Variants in NBAS observed in about 807,000 individuals in gnomAD.
NBAS encodes the protein NBAS subunit of NRZ tethering complex, also known as NAG/BC035112 fusion.
Under a neutral mutation model 302.5 loss-of-function variants are expected in NBAS, and 219 were observed. That is an observed-to-expected ratio of 0.72 (90% CI 0.65 to 0.81). The LOEUF is 0.81. Ranked by LOEUF, NBAS falls within the 30% of genes least tolerant of loss-of-function variation. NBAS has a pLI of 0.00. For synonymous variants in NBAS, 1,118 were observed against 1,021.6 expected, an observed-to-expected ratio of 1.09 and a Z score of -1.80; for missense variants, 2,932 against 2,841.6, an observed-to-expected ratio of 1.03 and a Z score of -0.72.
the NBAS span, among the ~76,000 whole-genome samples, chr2:14,810,467 A>C: frequency 4.6e-5 from 7 of 152,142 alleles, no homozygotes; most frequent in Non-Finnish European, 7.4e-5. Context: ...GTAAGACATG[A>C]TTTGCTCTTC....
At chr2:14,958,314 CTT>C in the NBAS span, among the ~76,000 whole-genome samples, 1 of 152,216 alleles carries the variant, frequency 6.6e-6, no homozygotes, top group Non-Finnish European at 1.5e-5. Context: ...CTCATGGAGT[CTT>C]TGTTTTCTCA....
the NBAS span, among the ~76,000 whole-genome samples, chr2:14,979,709 G>C: frequency 6.6e-6 from 1 of 151,856 alleles, no homozygotes; most frequent in African/African-American, 2.4e-5. Flanking sequence ...CATTGTTATG[G>C]AAACATCTGG....
intron 21 of NBAS, among the ~76,000 whole-genome samples, chr2:15,433,448 A>G (rs1677858588): frequency 6.6e-6 from 1 of 152,228 alleles, no homozygotes; most frequent in Admixed American, 6.5e-5. Flanking sequence ...TACAAGATAT[A>G]TATGACTCTG....
chr2:14,833,523 T>A, the NBAS span, among the ~76,000 whole-genome samples: 10 of 152,090 alleles, frequency 6.6e-5, no homozygotes, highest in Non-Finnish European at 8.8e-5. Context: ...GGTACATACG[T>A]GATCAATAAG....
At chr2:15,010,798 C>A in the NBAS span, among the ~76,000 whole-genome samples, 1 of 152,162 alleles carries the variant, frequency 6.6e-6, no homozygotes, top group Non-Finnish European at 1.5e-5. Context: ...AAACAACCAA[C>A]AAGATTACAC....
intron 40 of NBAS, among the ~76,000 whole-genome samples, chr2:15,299,758 A>G (rs562371940): frequency 3.3e-5 from 5 of 152,186 alleles, no homozygotes; most frequent in South Asian, 2.1e-4. Context: ...GATATGAGGG[A>G]AAAAAAATCA....
chr2:14,859,746 T>C, the NBAS span, among the ~76,000 whole-genome samples: 2 of 152,032 alleles, frequency 1.3e-5, no homozygotes, highest in East Asian at 1.9e-4. Flanking sequence ...AAGAAAACAT[T>C]GGGAAAATGC....
At chr2:15,082,835 C>T in the NBAS span, among the ~76,000 whole-genome samples, 1 of 152,106 alleles carries the variant, frequency 6.6e-6, no homozygotes, top group African/African-American at 2.4e-5. Context: ...TCCAGTTTAC[C>T]GAAGAGGGAA....
chr2:14,847,966 G>A, the NBAS span, among the ~76,000 whole-genome samples: 1 of 152,096 alleles, frequency 6.6e-6, no homozygotes, highest in African/African-American at 2.4e-5. Context: ...TAGAAATCAA[G>A]AATGAGAGGA....
At chr2:14,821,783 C>T in the NBAS span, among the ~76,000 whole-genome samples, 1 of 151,838 alleles carries the variant, frequency 6.6e-6, no homozygotes, top group South Asian at 2.1e-4. Context: ...GAGGCCGAGG[C>T]AGGTGGGTCA....
At chr2:15,159,262 T>C in the NBAS span, among the ~76,000 whole-genome samples, 1 of 152,180 alleles carries the variant, frequency 6.6e-6, no homozygotes, top group Non-Finnish European at 1.5e-5. Flanking sequence ...TTCATAGATT[T>C]CATCACAGCT....
intron 9 of NBAS, among the ~76,000 whole-genome samples, chr2:15,519,439 T>G (rs903920932): frequency 3.3e-4 from 50 of 149,994 alleles, no homozygotes; most frequent in Non-Finnish European, 1.6e-4. Context: ...ATTTCTTTAT[T>G]TTTTTTTTAA....
intron 21 of NBAS, among the ~76,000 whole-genome samples, chr2:15,450,466 G>A (rs1025625111): frequency 2.6e-5 from 4 of 152,002 alleles, no homozygotes; most frequent in African/African-American, 9.7e-5. Context: ...ACAGAAAGTT[G>A]CATCTCTCCC....
At chr2:15,390,496 G>A (rs1675538087) in intron 28 of NBAS, among the ~76,000 whole-genome samples, 1 of 152,158 alleles carries the variant, frequency 6.6e-6, no homozygotes, top group Non-Finnish European at 1.5e-5. Flanking sequence ...TAGCAGATAT[G>A]TACATGAACA....
At chr2:14,862,967 C>A in the NBAS span, among the ~76,000 whole-genome samples, 1 of 152,128 alleles carries the variant, frequency 6.6e-6, no homozygotes, top group Non-Finnish European at 1.5e-5. Context: ...AGAAAGCACA[C>A]CACTTTTATA....
chr2:15,475,562 C>G, intron 14 of NBAS, 125 bp downstream of exon 14: 1 of 1,010,476 alleles, frequency 9.9e-7, no homozygotes, highest in Non-Finnish European at 1.4e-6. Flanking sequence ...ACAACCATTA[C>G]CTGATTCCAA....
chr2:15,190,948 G>A (rs1057148837), intron 48 of NBAS, among the ~76,000 whole-genome samples: 6 of 152,066 alleles, frequency 3.9e-5, no homozygotes, highest in Admixed American at 3.9e-4. Context: ...TGAAAAAGTA[G>A]TCTCTGCCAA....
intron 19 of NBAS, among the ~76,000 whole-genome samples, 193 bp from the exon 20 acceptor site, chr2:15,461,984 T>A (rs1312834976): frequency 6.6e-6 from 1 of 152,234 alleles, no homozygotes; most frequent in Non-Finnish European, 1.5e-5. Context: ...GCTATATTAA[T>A]AAATGTTATT....
chr2:14,801,341 C>T, the NBAS span, among the ~76,000 whole-genome samples: 2 of 152,052 alleles, frequency 1.3e-5, no homozygotes, highest in Non-Finnish European at 1.5e-5. Context: ...TGCTCCATAG[C>T]TCTGTTCATT....
Sources: allele counts gnomAD v4.1 joint callset (sites outside exome capture counted in the v4.1 genomes callset), GRCh38; gene constraint gnomAD v4.1.1; transcripts MANE v1.5; gene names NCBI Gene and HGNC (gene_info 2026-07-23, HGNC 2026-07-21).